XPR1: variants seen among roughly 807,000 people sequenced by gnomAD.
The protein encoded by XPR1 is xenotropic and polytropic retrovirus receptor 1.
XPR1 carries 28 observed loss-of-function variants against 87.5 expected under a neutral mutation model. The observed-to-expected ratio is 0.32, with a 90% CI of 0.24 to 0.44. The LOEUF (loss-of-function observed/expected upper bound fraction) is 0.44, where lower values mean the gene tolerates loss of function less well. Ranked by LOEUF, XPR1 falls within the 20% of genes least tolerant of loss-of-function variation. The pLI, the probability that XPR1 is intolerant of heterozygous loss-of-function variation, is 1.00. For synonymous variants in XPR1, 300 were observed against 306.1 expected (o/e 0.98, Z 0.21); for missense variants, 559 against 862.3 (o/e 0.65, Z 4.41).
At chr1:180,799,563 G>A (rs2102111151) in intron 3 of XPR1, among the ~76,000 whole-genome samples, 1 of 152,280 alleles carries the variant, frequency 6.6e-6, no homozygotes, top group East Asian at 1.9e-4. Flanking sequence ...CCATGATAGT[G>A]GATAAAGCAT....
chr1:180,711,822 A>ACT (rs781122292), intron 2 of XPR1, among the ~76,000 whole-genome samples: 153 of 152,300 alleles, frequency 1.0e-3, no homozygotes, highest in Non-Finnish European at 1.7e-3. Context: ...TGCATCTAAA[A>ACT]GCTCTGTAGT....
intron 1 of XPR1, among the ~76,000 whole-genome samples, chr1:180,644,134 T>A (rs1289166578): frequency 6.6e-6 from 1 of 152,218 alleles, no homozygotes; most frequent in East Asian, 1.9e-4. Flanking sequence ...GTTCACATTC[T>A]AGGCTAAAAT....
At chr1:180,730,664 CT>C (rs901409443) in intron 2 of XPR1, among the ~76,000 whole-genome samples, 1 of 151,920 alleles carries the variant, frequency 6.6e-6, no homozygotes, top group Non-Finnish European at 1.5e-5. Flanking sequence ...TGTGTTATTT[CT>C]TTTTTTGTTT....
rs1322574052 is a variant in XPR1, at chr1:180,888,731, AAGTC to A, written c.*4670_*4673del. 1.3e-5 allele frequency: 2 copies of A among 152,242 alleles called. No individual in the cohort carries two copies. The highest frequency in any genetic ancestry group is 2.9e-5 in the Non-Finnish European group (2 of 68,044). The allele number at this position is 152,242 out of a possible 1,614,324, so 9.4% of individuals were successfully genotyped here. A position where few individuals can be genotyped will look rare whatever the true frequency, so the allele number is the denominator to read the frequency against. On this transcript the variant is annotated 3_prime_UTR_variant, in exon 15 of 15. Coordinates refer to ENST00000367590, the MANE Select transcript of XPR1 (RefSeq NM_004736.4). ...AAACACATACGTTTCTGCATTTCAG[AAGTC>A]AGTCTTGATAGTAAATCCTACAAAC...
intron 2 of XPR1, among the ~76,000 whole-genome samples, chr1:180,768,276 C>A (rs1648368675): frequency 6.6e-6 from 1 of 151,496 alleles, no homozygotes; most frequent in Non-Finnish European, 1.5e-5. Context: ...CATATTATGT[C>A]CTGTTCATAT....
chr1:180,811,376 C>T (rs1404365365), intron 6 of XPR1, 31 bp from the exon 7 acceptor site: 3 of 1,568,480 alleles, frequency 1.9e-6, no homozygotes, highest in Non-Finnish European at 2.6e-6. Flanking sequence ...GTGTTTTGTC[C>T]TGTACTCAAA....
intron 2 of XPR1, among the ~76,000 whole-genome samples, chr1:180,781,178 CT>C (rs1648922214): frequency 6.7e-6 from 1 of 150,188 alleles, no homozygotes; most frequent in Non-Finnish European, 1.5e-5. Flanking sequence ...TTTTTTTTTA[CT>C]TTAATAAAGT....
intron 2 of XPR1, among the ~76,000 whole-genome samples, chr1:180,748,717 A>G (rs922514897): frequency 2.0e-5 from 3 of 151,746 alleles, no homozygotes; most frequent in African/African-American, 4.8e-5. Flanking sequence ...GTGCTCGGCC[A>G]TTTATGTCTG....
At chr1:180,681,760 T>TG (rs1204096435) in intron 1 of XPR1, among the ~76,000 whole-genome samples, 1 of 152,194 alleles carries the variant, frequency 6.6e-6, no homozygotes, top group African/African-American at 2.4e-5. Flanking sequence ...TTCCGCCTCC[T>TG]GGGTTCAAGC....
At chr1:180,856,175 A>G (rs1392312809) in intron 11 of XPR1, among the ~76,000 whole-genome samples, 1 of 152,174 alleles carries the variant, frequency 6.6e-6, no homozygotes, top group Non-Finnish European at 1.5e-5. Context: ...CAATAACTCT[A>G]TAGTAATTAA....
intron 2 of XPR1, among the ~76,000 whole-genome samples, chr1:180,704,201 T>G (rs1449023298): frequency 7.0e-6 from 1 of 142,488 alleles, no homozygotes; most frequent in Admixed American, 7.2e-5. Context: ...TCTGACTATA[T>G]ATAATGTGTG....
chr1:180,701,459 C>T (rs1411434903), intron 2 of XPR1, among the ~76,000 whole-genome samples: 1 of 133,670 alleles, frequency 7.5e-6, no homozygotes, highest in Admixed American at 7.2e-5. Flanking sequence ...GCTTTTTCTG[C>T]ATCTATTGAG....
At chr1:180,676,383 A>G (rs1656370581) in intron 1 of XPR1, among the ~76,000 whole-genome samples, 1 of 152,290 alleles carries the variant, frequency 6.6e-6, no homozygotes, top group South Asian at 2.1e-4. Flanking sequence ...TGAATCTCTG[A>G]TATTATTTGT....
rs148776553 is a variant in XPR1, at chr1:180,852,987, A to G, written c.1502-10721A>G. Among the ~76,000 whole-genome samples the G allele has an allele frequency of 7.9e-5, 12 of 152,236 alleles. No homozygotes were observed. In the East Asian group the frequency reaches 2.3e-3, roughly 29 times the overall value. On this transcript the variant is annotated intron_variant, in intron 11 of 14. Coordinates refer to ENST00000367590, the MANE Select transcript of XPR1 (RefSeq NM_004736.4). ...TGGAATGTATCCCCCACAGATTGCA[A>G]TGGTGCAATCTCAGCTTACTGCAGC...
chr1:180,727,164 G>A (rs1658383997), intron 2 of XPR1, among the ~76,000 whole-genome samples: 1 of 151,934 alleles, frequency 6.6e-6, no homozygotes, highest in Admixed American at 6.6e-5. Context: ...CGCCTGGCTT[G>A]GCCGTATGCT....
At chr1:180,725,915 A>G (rs1269910814) in intron 2 of XPR1, among the ~76,000 whole-genome samples, 1 of 152,202 alleles carries the variant, frequency 6.6e-6, no homozygotes, top group East Asian at 1.9e-4. Flanking sequence ...CCCTGATAGT[A>G]TCTACTTCAA....
chr1:180,880,957 A>C (rs1652835146), intron 14 of XPR1, among the ~76,000 whole-genome samples: 1 of 152,206 alleles, frequency 6.6e-6, no homozygotes, highest in African/African-American at 2.4e-5. Context: ...GGAATGAAGG[A>C]GGCTTAGGTT....
chr1:180,853,523 G>A (rs1651933522), intron 11 of XPR1, among the ~76,000 whole-genome samples: 1 of 151,562 alleles, frequency 6.6e-6, no homozygotes, highest in South Asian at 2.1e-4. Flanking sequence ...TGACATCTTT[G>A]ATTGTCTTTT....
chr1:180,859,647 G>A (rs373096235), intron 11 of XPR1, among the ~76,000 whole-genome samples: 1 of 152,060 alleles, frequency 6.6e-6, no homozygotes, highest in Non-Finnish European at 1.5e-5. Context: ...TAGACCAAGT[G>A]TGTGCTAATC....
Sources: allele counts gnomAD v4.1 joint callset (sites outside exome capture counted in the v4.1 genomes callset), GRCh38; gene constraint gnomAD v4.1.1; transcripts MANE v1.5; gene names NCBI Gene and HGNC (gene_info 2026-07-23, HGNC 2026-07-21).